NFRKB: variants seen among roughly 807,000 people sequenced by gnomAD.
NFRKB encodes nuclear factor related to kappa-B-binding protein.
Under a neutral mutation model 135.7 loss-of-function variants are expected in NFRKB, and 62 were observed. The observed-to-expected ratio is 0.46, with a 90% CI of 0.37 to 0.56. NFRKB has a LOEUF of 0.56. Ranked by LOEUF, NFRKB falls within the 20% of genes least tolerant of loss-of-function variation. The pLI, the probability that NFRKB is intolerant of heterozygous loss-of-function variation, is 0.00. For missense variants in NFRKB, 1,545 were observed against 1,662.0 expected (o/e 0.93, Z 1.22); for synonymous variants, 678 against 635.6 (o/e 1.07, Z -1.00).
At position 129,881,754 on chromosome 11, in the gene NFRKB, G is replaced by A. The variant is rs141378138; in HGVS notation, c.1291C>T (p.Leu431=). ...CGACTTTCTCCAGCAAGATACTGCA[G>A]GGCTGGTAGTACCAACTCAGCCCAG... is the stretch of plus-strand genomic sequence containing the variant. ...PNWAELVLPA[L]QYLAGESRAV... Residue 431 remains leucine, a synonymous_variant, in exon 12 of 27, where the codon CTG becomes TTG. Transcript: ENST00000682444. 31 of 1,614,192 alleles carry A rather than the reference G, an allele frequency of 1.9e-5. No homozygotes were observed. The African/African-American group carries it at 3.2e-4, about 17-fold the overall frequency.
chr11:129,873,732 C>A lies in NFRKB; in HGVS notation c.2550+13G>T, dbSNP rs763147084. The A allele has an allele frequency of 6.2e-7, 1 of 1,607,946 alleles. No individual in the cohort carries two copies. The highest frequency in any genetic ancestry group is 1.7e-5 in the Admixed American group (1 of 59,940). On this transcript the variant is annotated intron_variant, in intron 22 of 26. Transcript: ENST00000682444. The stretch of plus-strand genomic sequence containing the variant: ...CATCTCTGCTTCCCAATGACCACGG[C>A]TTCCCTGTTTACCTGGGGCACTACT...
intron 2 of NFRKB, chr11:129,893,931 T>C (rs561287539): frequency 6.6e-6 from 1 of 152,376 alleles, no homozygotes; most frequent in Admixed American, 6.5e-5. Flanking sequence ...TATGACTTTA[T>C]TAGTCCATAT....
intron 9 of NFRKB, 66 bp from the exon 10 acceptor site, chr11:129,882,697 T>C (rs954982889): frequency 5.8e-5 from 86 of 1,472,954 alleles, no homozygotes; most frequent in Non-Finnish European, 6.8e-5. Context: ...AGGGGTCTTA[T>C]CTGCATATTC....
chr11:129,878,433 G>C (rs1180954374), intron 14 of NFRKB, 31 bp downstream of exon 14: 19 of 1,612,426 alleles, frequency 1.2e-5, no homozygotes, highest in Non-Finnish European at 1.4e-5. Flanking sequence ...AACCCAGTGA[G>C]AAGGATCTGG....
intron 3 of NFRKB, among the ~76,000 whole-genome samples, chr11:129,890,024 T>A (rs1418319149): frequency 9.7e-6 from 1 of 103,168 alleles, no homozygotes; most frequent in African/African-American, 3.5e-5. Context: ...TTTTTGGGTT[T>A]TTTTGTTTTT....
chr11:129,866,136 C>A (rs111778358), intron 24 of NFRKB, among the ~76,000 whole-genome samples, 153 bp from the exon 25 acceptor site: 92 of 152,246 alleles, frequency 6.0e-4, no homozygotes, highest in African/African-American at 2.2e-3. Context: ...AGGTTTGGGC[C>A]CAGAAAACCC....
At position 129,886,353 on chromosome 11, in the gene NFRKB, GA is replaced by G; in HGVS notation, c.428del (p.Phe143SerfsTer5). The G allele has an allele frequency of 6.2e-7, 1 of 1,614,124 alleles. No homozygotes were observed. The highest frequency in any genetic ancestry group is 8.5e-7 in the Non-Finnish European group (1 of 1,180,006). On this transcript the variant is annotated frameshift_variant, in exon 5 of 27. Transcript: ENST00000682444. LOFTEE classifies it high-confidence loss of function. ...CAAGAATTTGCTTCAGCAGCCGATG[GA>G]AATACTGCTGCTGGGAGTTGAGGTA... ...KRYLNSQQQY[F>X]HRLLKQILAS...
intron 23 of NFRKB, among the ~76,000 whole-genome samples, chr11:129,872,323 A>G (rs1250096903): frequency 1.3e-5 from 2 of 152,216 alleles, no homozygotes; most frequent in Non-Finnish European, 2.9e-5. Context: ...TGAACAAAAA[A>G]AAAACATTAC....
rs751114469 is a variant in NFRKB at position 129,876,881 on chromosome 11, A to G, written c.1587T>C (p.Tyr529=). 2.5e-6 allele frequency: 4 copies of G among 1,614,038 alleles called. No individual in the cohort carries two copies. Among genetic ancestry groups the G allele is most frequent in the East Asian group, 4.5e-5 (2 of 44,878 alleles). ...RVFQEQERYR[Y]SQPHKAFTFR... ...AGGTGAACGCCTTATGGGGTTGGCTATACCTGTAACGCTCCTACCAAGAGA... is the reference window on the plus strand; with the variant it reads ...AGGTGAACGCCTTATGGGGTTGGCTGTACCTGTAACGCTCCTACCAAGAGA... The change falls in exon 17 of 27, where the codon TAT becomes TAC. Residue 529 remains tyrosine (Y), a synonymous_variant. Transcript: ENST00000682444.
chr11:129,874,982 T>G lies in NFRKB; in HGVS notation c.1855-66A>C. ...TAGATAACAGAAGTTATTTGAACTC[T>G]AGGAAAAAAATGTCATTGTATCTAA... On this transcript the variant is annotated intron_variant, in intron 18 of 26. Transcript: ENST00000682444. The surrounding 1 kb of genome is among the most constrained non-coding windows in gnomAD (Gnocchi z 4.5). 7 of 1,590,018 alleles carry G rather than the reference T, an allele frequency of 4.4e-6. No homozygotes were observed. Among genetic ancestry groups the G allele is most frequent in the South Asian group, 1.1e-5 (1 of 89,804 alleles).
chr11:129,879,845 C>G (rs1450082301), intron 13 of NFRKB, among the ~76,000 whole-genome samples: 1 of 152,214 alleles, frequency 6.6e-6, no homozygotes, highest in Non-Finnish European at 1.5e-5. Flanking sequence ...ACCCACACAT[C>G]CTACTGTCTA....
Position 129,869,627 on chromosome 11 carries a change from C to G in NFRKB, c.3398G>C (p.Ser1133Thr). The part of the protein sequence containing the change: ...TVHTSAVSLP[S>T]MNAAVSKTVA... Reference sequence around the variant, plus strand: ...AGTCTTGGACACAGCAGCATTCATACTGGGTAAGGACACCGCTGAAGTATG... The same window carrying G: ...AGTCTTGGACACAGCAGCATTCATAGTGGGTAAGGACACCGCTGAAGTATG... Residue 1133 changes from serine (S) to threonine (T), a missense_variant, in exon 24 of 27, where the codon AGT becomes ACT. Around this residue, in one of 3 missense-constraint regions of NFRKB, gnomAD observed 753 missense variants for 804.3 expected, o/e 0.94. Coordinates refer to ENST00000682444, the MANE Select transcript of NFRKB (RefSeq NM_001143835.2). 1 of 1,614,238 alleles carries G rather than the reference C, an allele frequency of 6.2e-7. No individual in the cohort carries two copies. The highest frequency in any genetic ancestry group is 8.5e-7 in the Non-Finnish European group (1 of 1,180,048).
chr11:129,884,255 A>G (rs1949166425), intron 7 of NFRKB, 112 bp from the exon 8 acceptor site: 2 of 1,071,908 alleles, frequency 1.9e-6, no homozygotes, highest in Non-Finnish European at 2.9e-6. Context: ...CCTGTGAACT[A>G]CAAGTACCAA....
At chr11:129,887,808 C>T (rs534324935) in intron 4 of NFRKB, among the ~76,000 whole-genome samples, 50 of 152,272 alleles carry the variant, frequency 3.3e-4, no homozygotes, top group African/African-American at 1.1e-3. Flanking sequence ...GAGGCCGAGG[C>T]GGGCAGATCA....
chr11:129,874,964 C>T lies in NFRKB; in HGVS notation c.1855-48G>A, dbSNP rs1565401135. On this transcript the variant is annotated intron_variant, in intron 18 of 26. Transcript: ENST00000682444. This position sits in a 1 kb window ranked among gnomAD's most constrained non-coding sequence, Gnocchi z 4.5. ...TAAGAAACAAGTCAAGCTTAGATAA[C>T]AGAAGTTATTTGAACTCTAGGAAAA... 6.2e-7 allele frequency: 1 copy of T among 1,609,560 alleles called. No homozygotes were observed. Among genetic ancestry groups the T allele is most frequent in the Non-Finnish European group, 8.5e-7 (1 of 1,176,766 alleles).
At chr11:129,873,124 T>C in intron 22 of NFRKB, 28 bp from the exon 23 acceptor site, 1 of 1,532,196 alleles carries the variant, frequency 6.5e-7, no homozygotes, top group Non-Finnish European at 8.8e-7. Context: ...GCCAAGAGCT[T>C]AATTAGACTC....
At chr11:129,893,171 C>T (rs928955049) in intron 2 of NFRKB, 14 of 892,910 alleles carry the variant, frequency 1.6e-5, no homozygotes, top group Non-Finnish European at 2.1e-5. Flanking sequence ...AAATGATAAA[C>T]AGATCACAAT....
chr11:129,879,885 G>C (rs749332667), intron 13 of NFRKB, among the ~76,000 whole-genome samples: 1 of 152,182 alleles, frequency 6.6e-6, no homozygotes, highest in East Asian at 1.9e-4. Flanking sequence ...TACCTCAAAT[G>C]CAGCTCTAAA....
chr11:129,874,035 A>C lies in NFRKB; in HGVS notation c.2280-20T>G. ...AGAACACTATGAAGAACATCGGGGA[A>C]AGACAAAAAACAAAAACTTAGGACA... On this transcript the variant is annotated intron_variant, in intron 21 of 26. Coordinates refer to ENST00000682444, the MANE Select transcript of NFRKB (RefSeq NM_001143835.2). This position sits in a 1 kb window ranked among gnomAD's most constrained non-coding sequence, Gnocchi z 4.5. 3.1e-6 allele frequency: 5 copies of C among 1,603,550 alleles called. No homozygotes were observed. Among genetic ancestry groups the C allele is most frequent in the Non-Finnish European group, 4.3e-6 (5 of 1,171,714 alleles).
Sources: gnomAD v4.1 joint callset for allele counts (sites outside exome capture counted in the v4.1 genomes callset) on GRCh38, gnomAD v4.1.1 for gene constraint, gnomAD v4.1.1 regional missense constraint, Gnocchi (gnomAD v3.1) non-coding constraint, MANE v1.5 for transcripts, NCBI Gene and HGNC (gene_info 2026-07-23, HGNC 2026-07-21) for gene names.